DYNLL1: variants seen among roughly 807,000 people sequenced by gnomAD.
The protein encoded by DYNLL1 is dynein light chain LC8-type 1.
DYNLL1 carries 3 observed loss-of-function variants against 10.1 expected under a neutral mutation model. The ratio of observed to expected loss-of-function variants is 0.30; its 90% CI spans 0.14 to 0.77. The LOEUF (loss-of-function observed/expected upper bound fraction) is 0.77. DYNLL1 is among the 30% of genes least tolerant of loss of function. The probability of loss-of-function intolerance (pLI) is 0.66; values close to 1 mark genes in which losing one functional copy is unlikely to be tolerated. For missense variants in DYNLL1, 47 were observed against 111.7 expected (o/e 0.42, Z 2.61); for synonymous variants, 46 against 41.2 (o/e 1.12, Z -0.45).
chr12:120,494,000 CA>C (rs1052865740), upstream of DYNLL1: 2 of 151,894 alleles, frequency 1.3e-5, no homozygotes, highest in Admixed American at 1.3e-4. Context: ...TAAATAATAA[CA>C]GGGGTAGTGT....
chr12:120,482,274 C>T (rs1878897466), intron 1 of DYNLL1, among the ~76,000 whole-genome samples: 1 of 152,076 alleles, frequency 6.6e-6, no homozygotes, highest in Admixed American at 6.6e-5. Context: ...GTAGCCAATG[C>T]ACTCCAGCCC....
chr12:120,490,230 C>G (rs1371970918), intron 1 of DYNLL1: 1 of 152,234 alleles, frequency 6.6e-6, no homozygotes, highest in Non-Finnish European at 1.5e-5. Context: ...TCCCCAGAGT[C>G]ATAAATGAAG....
rs569782140 is a variant in DYNLL1, at chr12:120,472,355, C to T, written c.-7+2251C>T. On this transcript the variant is annotated intron_variant, in intron 1 of 2. Coordinates refer to the DYNLL1 transcript ENST00000392509. ...GATTCCTAAAATAAAACCATTATAA[C>T]TATCTGTTGTATTCTGGATTATGTA... 3.3e-5 allele frequency among the ~76,000 whole-genome samples: 5 copies of T among 152,238 alleles called. No individual in the cohort carries two copies. The South Asian group carries it at 1.0e-3, about 32-fold the overall frequency.
chr12:120,471,509 T>C (rs928670047), intron 1 of DYNLL1, among the ~76,000 whole-genome samples: 2 of 152,198 alleles, frequency 1.3e-5, no homozygotes, highest in Non-Finnish European at 2.9e-5. Context: ...CACCCACATA[T>C]ACTACTGAGT....
intron 1 of DYNLL1, among the ~76,000 whole-genome samples, chr12:120,489,968 G>A (rs374739029): frequency 1.8e-4 from 27 of 152,260 alleles, no homozygotes; most frequent in African/African-American, 5.5e-4. Context: ...GGCTGGTCCC[G>A]AACTCCTGAG....
At chr12:120,495,985 G>A (rs1336099405), upstream of DYNLL1, 2 of 260,380 alleles carry the variant, frequency 7.7e-6, no homozygotes, top group Admixed American at 5.1e-5. Context: ...GAACCATGGA[G>A]TCAATGGACC....
chr12:120,487,913 A>T (rs1425045543), intron 1 of DYNLL1, among the ~76,000 whole-genome samples: 1 of 152,154 alleles, frequency 6.6e-6, no homozygotes, highest in Non-Finnish European at 1.5e-5. Flanking sequence ...CTCATTCCAT[A>T]AAACAAAGGA....
chr12:120,477,827 G>A (rs1034120545), intron 1 of DYNLL1, among the ~76,000 whole-genome samples: 6 of 151,748 alleles, frequency 4.0e-5, no homozygotes, highest in East Asian at 1.9e-4. Flanking sequence ...ACAGAGTTTC[G>A]CTCTTGTTGC....
chr12:120,484,479 G>A (rs1417815696), intron 1 of DYNLL1, among the ~76,000 whole-genome samples: 3 of 152,038 alleles, frequency 2.0e-5, no homozygotes, highest in Non-Finnish European at 4.4e-5. Context: ...GTTATATGCC[G>A]GGAAAAAATC....
intron 1 of DYNLL1, among the ~76,000 whole-genome samples, chr12:120,480,387 GACAAAGT>G (rs1443647696): frequency 6.6e-6 from 1 of 152,194 alleles, no homozygotes; most frequent in Non-Finnish European, 1.5e-5. Context: ...CAGCAGAGGG[GACAAAGT>G]GTCTGCCTCC....
chr12:120,475,030 T>C (rs1878725213), intron 1 of DYNLL1, among the ~76,000 whole-genome samples: 1 of 152,028 alleles, frequency 6.6e-6, no homozygotes, highest in Non-Finnish European at 1.5e-5. Flanking sequence ...AGTTTGGAAT[T>C]GGGGGTGAGC....
intron 1 of DYNLL1, among the ~76,000 whole-genome samples, chr12:120,479,473 AT>A (rs771753183): frequency 0.12 from 12,754 of 108,532 alleles, 843 homozygotes; most frequent in Non-Finnish European, 0.17. Context: ...AAAAAAAATA[AT>A]AATAATAATA....
intron 1 of DYNLL1, among the ~76,000 whole-genome samples, chr12:120,487,269 G>A (rs1443143736): frequency 1.7e-4 from 20 of 118,358 alleles, no homozygotes; most frequent in African/African-American, 5.7e-4. Flanking sequence ...CACCGTGCCC[G>A]GCCTTTTTTT....
chr12:120,488,844 C>A (rs1001500125), intron 1 of DYNLL1, among the ~76,000 whole-genome samples: 4 of 151,950 alleles, frequency 2.6e-5, no homozygotes, highest in Non-Finnish European at 4.4e-5. Flanking sequence ...ACCCAGGAGG[C>A]GGAGGTTGTG....
intron 1 of DYNLL1, among the ~76,000 whole-genome samples, chr12:120,470,336 C>T (rs1258402314): frequency 6.6e-6 from 1 of 152,160 alleles, no homozygotes; most frequent in African/African-American, 2.4e-5. Flanking sequence ...CAGAGCCATG[C>T]TCCCATCCTA....
intron 1 of DYNLL1, among the ~76,000 whole-genome samples, chr12:120,483,177 A>C (rs926895937): frequency 1.3e-5 from 2 of 151,844 alleles, no homozygotes; most frequent in African/African-American, 4.8e-5. Flanking sequence ...GTCTCTACTA[A>C]AAATACAAAA....
intron 1 of DYNLL1, among the ~76,000 whole-genome samples, chr12:120,474,299 C>T (rs1245058754): frequency 6.6e-6 from 1 of 152,074 alleles, no homozygotes; most frequent in Non-Finnish European, 1.5e-5. Flanking sequence ...GATCCTGTTA[C>T]AGAAATGGGC....
upstream of DYNLL1, among the ~76,000 whole-genome samples, chr12:120,493,489 C>T (rs991692406): frequency 2.7e-5 from 4 of 149,564 alleles, no homozygotes; most frequent in Admixed American, 6.7e-5. Flanking sequence ...CCAGTCTGGG[C>T]GACAGAGTGA....
chr12:120,497,895 GTA>G, intron 2 of DYNLL1, 176 bp from the exon 3 acceptor site: 1 of 616,442 alleles, frequency 1.6e-6, no homozygotes, highest in South Asian at 2.2e-5. Context: ...CAGACTGCAA[GTA>G]TGTTTGTATT....
Sources: gnomAD v4.1 joint callset for allele counts (sites outside exome capture counted in the v4.1 genomes callset) on GRCh38, gnomAD v4.1.1 for gene constraint, MANE v1.5 for transcripts, NCBI Gene and HGNC (gene_info 2026-07-23, HGNC 2026-07-21) for gene names.